The following GULP1 variants were observed in gnomAD, a reference collection of about 807,000 sequenced individuals.
The protein encoded by GULP1 is PTB domain-containing engulfment adapter protein 1.
In GULP1, 19 loss-of-function variants were observed where a neutral mutation model predicts 40.9. The ratio of observed to expected loss-of-function variants is 0.46; its 90% CI spans 0.32 to 0.68. The LOEUF (loss-of-function observed/expected upper bound fraction) is 0.68, where lower values mean the gene tolerates loss of function less well. Among genes scored for constraint, GULP1 ranks in the 30% least tolerant of loss-of-function variants. The pLI is 0.03. For synonymous variants in GULP1, 119 were observed against 117.6 expected, an observed-to-expected ratio of 1.01 and a Z score of -0.08; for missense variants, 312 against 362.2, an observed-to-expected ratio of 0.86 and a Z score of 1.12.
intron 2 of GULP1, among the ~76,000 whole-genome samples, chr2:188,438,729 G>A (rs2057659308): frequency 6.6e-6 from 1 of 151,152 alleles, no homozygotes; most frequent in Admixed American, 6.6e-5. Flanking sequence ...AAACACATCA[G>A]TAGTCAAAAG....
chr2:188,400,291 G>A (rs1363687445), intron 2 of GULP1, among the ~76,000 whole-genome samples: 2 of 151,938 alleles, frequency 1.3e-5, no homozygotes, highest in Non-Finnish European at 2.9e-5. Context: ...TGTATTTAGG[G>A]CCCATCCTAA....
intron 1 of GULP1, among the ~76,000 whole-genome samples, chr2:188,344,090 G>C (rs752566282): frequency 1.3e-5 from 2 of 152,308 alleles, no homozygotes; most frequent in Admixed American, 6.5e-5. Context: ...TTACAGGCAT[G>C]AGCCACCACG....
At chr2:188,586,787 A>G (rs1702466713) in intron 10 of GULP1, among the ~76,000 whole-genome samples, 1 of 152,124 alleles carries the variant, frequency 6.6e-6, no homozygotes. Context: ...AAAACTGGAA[A>G]AGTAAGACTC....
chr2:188,589,791 A>G (rs561584263), intron 11 of GULP1: 8 of 1,145,688 alleles, frequency 7.0e-6, no homozygotes, highest in South Asian at 5.7e-5. Context: ...ACAACTTACA[A>G]ATTTTTAAAG....
intron 2 of GULP1, among the ~76,000 whole-genome samples, chr2:188,464,768 G>A (rs186384720): frequency 7.0e-4 from 107 of 152,312 alleles, no homozygotes; most frequent in African/African-American, 2.5e-3. Flanking sequence ...AGGCAGAAGA[G>A]CCTCACCATG....
chr2:188,544,556 A>T (rs1691413770), intron 7 of GULP1, among the ~76,000 whole-genome samples: 1 of 151,724 alleles, frequency 6.6e-6, no homozygotes, highest in Admixed American at 6.6e-5. Flanking sequence ...TAATAATAAT[A>T]CTAAAAGAAT....
intron 1 of GULP1, among the ~76,000 whole-genome samples, chr2:188,365,062 A>G (rs1247232459): frequency 2.0e-5 from 3 of 152,128 alleles, no homozygotes; most frequent in African/African-American, 7.2e-5. Flanking sequence ...GCAAGATTTC[A>G]AATTGCTGTT....
intron 1 of GULP1, among the ~76,000 whole-genome samples, chr2:188,350,439 CT>C (rs1431218573): frequency 1.4e-4 from 21 of 152,054 alleles, no homozygotes; most frequent in African/African-American, 5.1e-4. Flanking sequence ...GTAGTTTCTT[CT>C]TCATGTTATT....
chr2:188,356,834 C>T (rs2045391070), intron 1 of GULP1, among the ~76,000 whole-genome samples: 1 of 152,012 alleles, frequency 6.6e-6, no homozygotes, highest in Non-Finnish European at 1.5e-5. Context: ...GTAAGCCAAA[C>T]AGCATGGTAC....
rs375240986 is a variant in GULP1, at chr2:188,476,470, A to C, written c.-44-1189A>C. On this transcript the variant is annotated intron_variant, in intron 2 of 11. Coordinates refer to ENST00000409830, the MANE Select transcript of GULP1 (RefSeq NM_016315.4). ...ACACACCAAACTGGGCTCTTACACCAAGCACATGAGTTTCCTTTGATTTCT... is the reference window on the plus strand; with the variant it reads ...ACACACCAAACTGGGCTCTTACACCCAGCACATGAGTTTCCTTTGATTTCT... Among the ~76,000 whole-genome samples the C allele has an allele frequency of 3.3e-5, 5 of 152,268 alleles. No homozygotes were observed. The South Asian group carries it at 8.3e-4, about 25-fold the overall frequency.
intron 2 of GULP1, among the ~76,000 whole-genome samples, chr2:188,412,363 A>T (rs1310941827): frequency 6.6e-6 from 1 of 152,152 alleles, no homozygotes. Context: ...TTGTGAAGTA[A>T]TAGTGTGATT....
intron 4 of GULP1, among the ~76,000 whole-genome samples, chr2:188,499,145 A>G (rs1172077833): frequency 2.2e-5 from 3 of 134,640 alleles, no homozygotes; most frequent in Middle Eastern, 3.7e-3. Context: ...GTATATATAT[A>G]TATATATATA....
chr2:188,586,990 T>G (rs1702523019), intron 10 of GULP1, among the ~76,000 whole-genome samples: 1 of 152,056 alleles, frequency 6.6e-6, no homozygotes, highest in Admixed American at 6.6e-5. Context: ...GAATGTAAAG[T>G]TCTCTGCAAA....
In GULP1 at chr2:188,498,890, A is replaced by G. The variant is rs147440871; in HGVS notation, c.90+15398A>G. ...TATTTTTCTAAAGAAATAAACTTAC[A>G]CAAGATCAGGTGAAATCTGGCTTTA... On this transcript the variant is annotated intron_variant, in intron 4 of 11. Coordinates refer to ENST00000409830, the MANE Select transcript of GULP1 (RefSeq NM_016315.4). Among the ~76,000 whole-genome samples, 26 of 151,524 alleles carry G rather than the reference A, an allele frequency of 1.7e-4. No individual in the cohort carries two copies. In the East Asian group the frequency reaches 3.7e-3, roughly 22 times the overall value.
At chr2:188,449,852 A>T (rs1166638105) in intron 2 of GULP1, among the ~76,000 whole-genome samples, 3 of 152,184 alleles carry the variant, frequency 2.0e-5, no homozygotes, top group African/African-American at 7.2e-5. Context: ...TAAAGGAGGT[A>T]GGTTTTAGCA....
At chr2:188,360,486 G>C (rs1003282898) in intron 1 of GULP1, among the ~76,000 whole-genome samples, 1 of 151,512 alleles carries the variant, frequency 6.6e-6, no homozygotes, top group African/African-American at 2.4e-5. Context: ...AATCTTGGAT[G>C]CATCAAATCA....
chr2:188,528,078 T>TA (rs1220231651), intron 5 of GULP1, among the ~76,000 whole-genome samples: 6 of 152,090 alleles, frequency 3.9e-5, no homozygotes, highest in Non-Finnish European at 8.8e-5. Flanking sequence ...TTCCATTTCT[T>TA]AAAAAGAAAA....
Position 188,330,619 on chromosome 2 carries a change from G to A in GULP1, c.-172+38453G>A, listed in dbSNP as rs2041437193. 2.0e-5 allele frequency among the ~76,000 whole-genome samples: 3 copies of A among 152,206 alleles called. No homozygotes were observed. In the East Asian group the frequency reaches 5.8e-4, roughly 29 times the overall value. On this transcript the variant is annotated intron_variant, in intron 1 of 11. Coordinates refer to ENST00000409830, the MANE Select transcript of GULP1 (RefSeq NM_016315.4). ...TTCTGTGATTTATGTCTAACTTTTA[G>A]TATTTTGAATAAAAGGCAATTTGCA... is the stretch of plus-strand genomic sequence containing the variant.
At chr2:188,559,136 C>T (rs867185752) in intron 7 of GULP1, among the ~76,000 whole-genome samples, 1 of 152,198 alleles carries the variant, frequency 6.6e-6, no homozygotes, top group African/African-American at 2.4e-5. Flanking sequence ...TCACAGCAGT[C>T]CCTCCCATCA....
Sources: gnomAD v4.1 joint callset for allele counts (sites outside exome capture counted in the v4.1 genomes callset) on GRCh38, gnomAD v4.1.1 for gene constraint, MANE v1.5 for transcripts, NCBI Gene and HGNC (gene_info 2026-07-23, HGNC 2026-07-21) for gene names.